Variants in CEP152 observed in about 807,000 individuals in gnomAD.
CEP152 encodes the protein centrosomal protein 152, also known as centrosomal protein of 152 kDa.
CEP152 carries 132 observed loss-of-function variants against 188.9 expected under a neutral mutation model. The ratio of observed to expected loss-of-function variants is 0.70; its 90% CI spans 0.61 to 0.81. The LOEUF (loss-of-function observed/expected upper bound fraction) is 0.81, where lower values mean the gene tolerates loss of function less well. Ranked by LOEUF, CEP152 falls within the 30% of genes least tolerant of loss-of-function variation. The pLI, the probability that CEP152 is intolerant of heterozygous loss-of-function variation, is 0.00. For missense variants in CEP152, 1,914 were observed against 1,969.8 expected (o/e 0.97, Z 0.54); for synonymous variants, 649 against 666.6 (o/e 0.97, Z 0.41).
At chr15:48,771,740 C>T (rs1245051403) in intron 13 of CEP152, among the ~76,000 whole-genome samples, 1 of 152,140 alleles carries the variant, frequency 6.6e-6, no homozygotes, top group African/African-American at 2.4e-5. Context: ...GTCAAAAATG[C>T]ATTTAATGCA....
intron 21 of CEP152, among the ~76,000 whole-genome samples, chr15:48,749,831 G>A (rs1473677045): frequency 6.6e-6 from 1 of 151,376 alleles, no homozygotes; most frequent in African/African-American, 2.4e-5. Context: ...CGTCTGTACT[G>A]GAAGAGAAAA....
Position 48,762,393 on chromosome 15 carries a change from G to T in CEP152, c.2560C>A (p.Gln854Lys). The T allele has an allele frequency of 1.9e-6, 3 of 1,613,728 alleles. No homozygotes were observed. Among genetic ancestry groups the T allele is most frequent in the Non-Finnish European group, 2.5e-6 (3 of 1,179,710 alleles). Reference protein sequence around the residue: ...ELKHCENITKQVEIAVQNAHQ... With the variant: ...ELKHCENITKKVEIAVQNAHQ... Reference sequence around the variant, plus strand: ...ACTAGAATAAATCTGCCTTTTACCTGTTTGGTAATATTTTCACAATGTTTG... The same window carrying T: ...ACTAGAATAAATCTGCCTTTTACCTTTTTGGTAATATTTTCACAATGTTTG... The change falls in exon 18 of 27, where the codon CAG (glutamine) becomes AAG (lysine). Residue 854 changes from glutamine to lysine, a missense_variant and splice_region_variant. Transcript: ENST00000380950.
intron 26 of CEP152, 62 bp downstream of exon 26, chr15:48,741,539 A>G (rs1192414703): frequency 3.1e-6 from 5 of 1,612,512 alleles, no homozygotes; most frequent in Middle Eastern, 1.7e-4. Flanking sequence ...TTCATACTGA[A>G]AATATTAAAT....
At chr15:48,760,313 A>T (rs770607234) in intron 18 of CEP152, 47 bp from the exon 19 acceptor site, 8 of 1,606,334 alleles carry the variant, frequency 5.0e-6, no homozygotes, top group Non-Finnish European at 5.1e-6. Flanking sequence ...TATAAAACTT[A>T]AAAAAGATCC....
At position 48,762,322 on chromosome 15, in the gene CEP152, G is replaced by A. The variant is rs554685794; in HGVS notation, c.2562+69C>T. The A allele has an allele frequency of 2.7e-4, 362 of 1,355,154 alleles. 1 individual carries two copies. Among genetic ancestry groups the A allele is most frequent in the Middle Eastern group, 2.1e-3 (11 of 5,298 alleles). The allele number at this position is 1,355,154 out of a possible 1,614,324, so 83.9% of individuals were successfully genotyped here. On this transcript the variant is annotated intron_variant, in intron 18 of 26. Coordinates refer to ENST00000380950, the MANE Select transcript of CEP152 (RefSeq NM_001194998.2). ...AAAGTTATGAACGAGTTCAATGATA[G>A]CATTGTATGGGTTTTCATTAAGAGA... is the stretch of plus-strand genomic sequence containing the variant.
At chr15:48,760,544 T>G (rs1326708789) in intron 18 of CEP152, among the ~76,000 whole-genome samples, 1 of 152,140 alleles carries the variant, frequency 6.6e-6, no homozygotes, top group East Asian at 1.9e-4. Context: ...GAGGTACCAA[T>G]TACCATTTCT....
In CEP152 at chr15:48,808,647, C is replaced by CA. The variant is rs1346461892; in HGVS notation, c.-8+2313dup. Among the ~76,000 whole-genome samples, 369 of 147,632 alleles carry CA rather than the reference C, an allele frequency of 2.5e-3. 2 individuals are homozygous for CA. The highest frequency in any genetic ancestry group is 5.3e-3 in the African/African-American group (213 of 40,448). Reference sequence around the variant, plus strand: ...CCACTAGATTGAAAAAACAAACAAACAAAAAAAAAACTTGTTATCACCCAG... The same window carrying CA: ...CCACTAGATTGAAAAAACAAACAAACAAAAAAAAAAACTTGTTATCACCCAG... On this transcript the variant is annotated intron_variant, in intron 1 of 26. Coordinates refer to ENST00000380950, the MANE Select transcript of CEP152 (RefSeq NM_001194998.2).
intron 2 of CEP152, among the ~76,000 whole-genome samples, chr15:48,803,518 T>A (rs951280862): frequency 6.6e-6 from 1 of 152,256 alleles, no homozygotes; most frequent in Non-Finnish European, 1.5e-5. Flanking sequence ...AATATTTTTA[T>A]TAACATGAAG....
chr15:48,775,267 G>C (rs1405914111), intron 12 of CEP152, among the ~76,000 whole-genome samples: 1 of 151,518 alleles, frequency 6.6e-6, no homozygotes, highest in Non-Finnish European at 1.5e-5. Context: ...CACAAATTTG[G>C]TAAAAGACAT....
At chr15:48,786,688 T>A (rs917822399) in intron 9 of CEP152, among the ~76,000 whole-genome samples, 50 of 151,920 alleles carry the variant, frequency 3.3e-4, no homozygotes, top group African/African-American at 1.1e-3. Flanking sequence ...TTAAAAAAAA[T>A]AATAATAAAA....
intron 19 of CEP152, among the ~76,000 whole-genome samples, chr15:48,759,348 A>G (rs1298737410): frequency 6.6e-6 from 1 of 152,206 alleles, no homozygotes; most frequent in African/African-American, 2.4e-5. Context: ...TAATTTTTCC[A>G]AAGTGTTACC....
intron 9 of CEP152, among the ~76,000 whole-genome samples, chr15:48,788,287 C>T (rs1242751909): frequency 1.3e-5 from 2 of 150,888 alleles, no homozygotes; most frequent in Non-Finnish European, 2.9e-5. Flanking sequence ...CAAAAGTATA[C>T]CTTTAGGATG....
At chr15:48,765,209 G>A (rs1374980033) in intron 17 of CEP152, among the ~76,000 whole-genome samples, 1 of 152,122 alleles carries the variant, frequency 6.6e-6, no homozygotes, top group African/African-American at 2.4e-5. Context: ...TGGGTTTGGA[G>A]GAGGAGTGTA....
In CEP152 at chr15:48,756,263, C is replaced by A. The variant is rs377506426; in HGVS notation, c.2985G>T (p.Ala995=). ...DHRNKINEVL[A]AAKEDFMKQK... is the part of the protein sequence containing the mutation. Reference sequence around the variant, plus strand: ...GTTTCATAAAGTCTTCTTTAGCTGCCGCAAGCACCTCATTAATTTTATTTC... The same window carrying A: ...GTTTCATAAAGTCTTCTTTAGCTGCAGCAAGCACCTCATTAATTTTATTTC... The change falls in exon 20 of 27, where the codon GCG becomes GCT. Residue 995 remains alanine (A), a synonymous_variant. Coordinates refer to ENST00000380950, the MANE Select transcript of CEP152 (RefSeq NM_001194998.2). The A allele has an allele frequency of 1.0e-4, 166 of 1,590,852 alleles. 1 individual carries two copies. The highest frequency in any genetic ancestry group is 1.4e-4 in the Non-Finnish European group (158 of 1,169,502).
At chr15:48,741,524 C>G in intron 26 of CEP152, 77 bp downstream of exon 26, 1 of 1,610,840 alleles carries the variant, frequency 6.2e-7, no homozygotes, top group Non-Finnish European at 8.5e-7. Flanking sequence ...ACCTTCCCTG[C>G]CTTCTTCATA....
intron 5 of CEP152, among the ~76,000 whole-genome samples, chr15:48,796,832 T>C (rs926823862): frequency 6.6e-6 from 1 of 152,190 alleles, no homozygotes; most frequent in South Asian, 2.1e-4. Context: ...TCTACTGTTA[T>C]ATCACCATAC....
In CEP152 at chr15:48,778,833, C is replaced by T. The variant is rs998940835; in HGVS notation, c.1577+2363G>A. Among the ~76,000 whole-genome samples, 5 of 151,812 alleles carry T rather than the reference C, an allele frequency of 3.3e-5. No homozygotes were observed. The South Asian group carries it at 6.2e-4, about 19-fold the overall frequency. On this transcript the variant is annotated intron_variant, in intron 12 of 26. Transcript: ENST00000380950. ...GCATGGTGGCACATGCCTGTATTCC[C>T]GGCTACTCAGGAGGCTGAGGCAGGA...
Position 48,756,350 on chromosome 15 carries a change from T to C in CEP152, c.2898A>G (p.Glu966=), listed in dbSNP as rs201564629. The C allele has an allele frequency of 6.3e-7, 1 of 1,575,066 alleles. No individual in the cohort carries two copies. Among genetic ancestry groups the C allele is most frequent in the Non-Finnish European group, 8.6e-7 (1 of 1,164,532 alleles). Residue 966 remains glutamate, a synonymous_variant, in exon 20 of 27, where the codon GAA becomes GAG. Coordinates refer to ENST00000380950, the MANE Select transcript of CEP152 (RefSeq NM_001194998.2). Reference sequence around the variant, plus strand: ...TTTGTTCTTGGATTCTGTGGATTTCTTCTTGCTTTTCTTTGTTCCATTCAC... The same window carrying C: ...TTTGTTCTTGGATTCTGTGGATTTCCTCTTGCTTTTCTTTGTTCCATTCAC... ...ARSEWNKEKQ[E]EIHRIQEQNE...
Position 48,797,321 on chromosome 15 carries a change from G to A in CEP152, c.520C>T (p.Pro174Ser), listed in dbSNP as rs751085486. 1 of 1,614,030 alleles carries A rather than the reference G, an allele frequency of 6.2e-7. No homozygotes were observed. The highest frequency in any genetic ancestry group is 1.7e-5 in the Admixed American group (1 of 60,024). Residue 174 changes from proline (P) to serine (S), a missense_variant, in exon 5 of 27, where the codon CCT (proline) becomes TCT (serine). Physicochemically the swap from Pro to Ser is moderately conservative, Grantham distance 74. Transcript: ENST00000380950. Reference protein sequence around the residue: ...QATNVIKFSDPQWNHFQGPSC... With the variant: ...QATNVIKFSDSQWNHFQGPSC... ...AATACCTGAAAATGGTTCCATTGAG[G>A]ATCTGAAAATTTAATTACATTGGTT...
Sources: gnomAD v4.1 joint callset for allele counts (sites outside exome capture counted in the v4.1 genomes callset) on GRCh38, gnomAD v4.1.1 for gene constraint, MANE v1.5 for transcripts, NCBI Gene and HGNC (gene_info 2026-07-23, HGNC 2026-07-21) for gene names.